Variants in AFF2 observed in about 807,000 individuals in gnomAD.
AFF2 encodes ALF transcription elongation factor 2, also known as AF4/FMR2 family member 2.
AFF2 carries 14 observed loss-of-function variants against 76.9 expected under a neutral mutation model. The observed-to-expected ratio is 0.18, with a 90% CI of 0.12 to 0.28. AFF2 has a LOEUF of 0.28. AFF2 is among the 10% of genes least tolerant of loss of function. The pLI is 1.00. For missense variants in AFF2, 868 were observed against 1,001.1 expected (o/e 0.87, Z 1.79); for synonymous variants, 398 against 366.7 (o/e 1.09, Z -0.98).
At chrX:148,688,389 C>T (rs1557260503) in intron 3 of AFF2, among the ~76,000 whole-genome samples, 1 of 110,114 alleles carries the variant, frequency 9.1e-6, no homozygotes, top group Non-Finnish European at 1.9e-5. Context: ...TCTCAGTTTA[C>T]TCTTGATATC....
intron 9 of AFF2, among the ~76,000 whole-genome samples, chrX:148,943,865 A>G (rs781967247): frequency 7.6e-4 from 85 of 112,093 alleles, no homozygotes; most frequent in Middle Eastern, 9.2e-3. Flanking sequence ...TTAGAAGCTT[A>G]CCTTCTAAAT....
intron 1 of AFF2, among the ~76,000 whole-genome samples, chrX:148,520,540 T>C (rs782457499): frequency 8.9e-6 from 1 of 111,913 alleles, no homozygotes; most frequent in African/African-American, 3.3e-5. Context: ...TGGTTCTTCT[T>C]AACACTGGCC....
At chrX:148,689,830 G>A (rs2054633201) in intron 3 of AFF2, among the ~76,000 whole-genome samples, 1 of 112,037 alleles carries the variant, frequency 8.9e-6, no homozygotes, top group South Asian at 3.7e-4. Context: ...TACTCAGAAA[G>A]TATTTGGCTG....
At chrX:148,588,697 T>C (rs2053493417) in intron 1 of AFF2, among the ~76,000 whole-genome samples, 1 of 112,070 alleles carries the variant, frequency 8.9e-6, no homozygotes, top group Non-Finnish European at 1.9e-5. Context: ...AGCTTACCAG[T>C]GTAGTCATGT....
At chrX:148,932,524 C>A (rs782529789) in intron 9 of AFF2, among the ~76,000 whole-genome samples, 1 of 111,799 alleles carries the variant, frequency 8.9e-6, no homozygotes, top group Non-Finnish European at 1.9e-5. Context: ...GTCTGGGAAC[C>A]AGCTACACAT....
chrX:148,560,090 C>G (rs1191970762), intron 1 of AFF2, among the ~76,000 whole-genome samples: 3 of 111,345 alleles, frequency 2.7e-5, no homozygotes, highest in Non-Finnish European at 5.7e-5. Context: ...TGAGAAGTGT[C>G]TGTTCATATC....
At chrX:148,834,579 A>T (rs913647387) in intron 4 of AFF2, among the ~76,000 whole-genome samples, 12 of 107,951 alleles carry the variant, frequency 1.1e-4, no homozygotes, top group Non-Finnish European at 2.3e-4. Context: ...AAGAGAAGTG[A>T]TTCTTGGTGT....
intron 5 of AFF2, 151 bp downstream of exon 5, chrX:148,837,884 T>G (rs1175295157): frequency 2.4e-5 from 10 of 423,174 alleles, no homozygotes; most frequent in African/African-American, 5.0e-5. Flanking sequence ...TAAAAATAAT[T>G]TTTATTGAAA....
At chrX:148,828,786 C>T (rs1170180585) in intron 4 of AFF2, among the ~76,000 whole-genome samples, 2 of 112,100 alleles carry the variant, frequency 1.8e-5, no homozygotes, top group Admixed American at 1.9e-4. Flanking sequence ...AGGCCCTGCA[C>T]ATGGTCATAT....
chrX:148,596,853 A>G (rs2053577463), intron 1 of AFF2, among the ~76,000 whole-genome samples: 1 of 112,372 alleles, frequency 8.9e-6, no homozygotes, highest in Non-Finnish European at 1.9e-5. Flanking sequence ...GAGATAACTG[A>G]AAGTATTGAC....
At chrX:148,709,280 A>T (rs1339851691) in intron 3 of AFF2, among the ~76,000 whole-genome samples, 1 of 111,846 alleles carries the variant, frequency 8.9e-6, no homozygotes, top group African/African-American at 3.2e-5. Context: ...GCCATTAATT[A>T]AATGCCTCCC....
At chrX:148,924,010 C>T (rs1168603306) in intron 9 of AFF2, among the ~76,000 whole-genome samples, 2 of 111,800 alleles carry the variant, frequency 1.8e-5, no homozygotes, top group East Asian at 2.8e-4. Context: ...TAAACTCTGG[C>T]AGTTCCCAGC....
rs1271255128 is a variant in AFF2, at chrX:148,735,719, C to T, written c.1041+72951C>T. On this transcript the variant is annotated intron_variant, in intron 3 of 20. Coordinates refer to ENST00000370460, the MANE Select transcript of AFF2 (RefSeq NM_002025.4). The stretch of plus-strand genomic sequence containing the variant: ...GTGAGATTTTGGTGCACCCATTACC[C>T]GAGCAGCATACACTGCACCCTATTT... Among the ~76,000 whole-genome samples, 3 of 110,527 alleles carry T rather than the reference C, an allele frequency of 2.7e-5. No individual in the cohort carries two copies. In the Admixed American group the frequency reaches 2.9e-4, roughly 11 times the overall value.
At chrX:148,923,202 C>T (rs782671701) in intron 9 of AFF2, among the ~76,000 whole-genome samples, 15 of 111,437 alleles carry the variant, frequency 1.3e-4, no homozygotes, top group Non-Finnish European at 2.8e-4. Flanking sequence ...CATTCACATA[C>T]CAAAAACTAT....
At chrX:148,666,406 G>A (rs1293904030) in intron 3 of AFF2, among the ~76,000 whole-genome samples, 1 of 110,250 alleles carries the variant, frequency 9.1e-6, no homozygotes, top group Non-Finnish European at 1.9e-5. Context: ...CCAACATGGT[G>A]AAACCCCATC....
intron 3 of AFF2, among the ~76,000 whole-genome samples, chrX:148,700,391 T>G (rs1274161333): frequency 1.9e-5 from 2 of 106,082 alleles, no homozygotes; most frequent in Non-Finnish European, 3.9e-5. Flanking sequence ...GAGCCCCATA[T>G]TGATCCAAAG....
At chrX:148,658,657 C>T (rs1458281417) in intron 2 of AFF2, among the ~76,000 whole-genome samples, 2 of 112,547 alleles carry the variant, frequency 1.8e-5, no homozygotes, top group Non-Finnish European at 3.8e-5. Flanking sequence ...TTCCTTTTCA[C>T]ATTTTATTAT....
intron 1 of AFF2, among the ~76,000 whole-genome samples, chrX:148,642,145 T>C (rs1392998043): frequency 2.7e-5 from 3 of 112,020 alleles, no homozygotes; most frequent in African/African-American, 9.8e-5. Context: ...GCTGCCCTAC[T>C]TTCATACTCA....
chrX:148,788,758 A>G (rs1557269734), intron 3 of AFF2, among the ~76,000 whole-genome samples: 1 of 112,263 alleles, frequency 8.9e-6, no homozygotes, highest in Non-Finnish European at 1.9e-5. Context: ...TCTCTCAGGG[A>G]AAACAGCTTG....
Sources: allele counts gnomAD v4.1 joint callset (sites outside exome capture counted in the v4.1 genomes callset), GRCh38; gene constraint gnomAD v4.1.1; transcripts MANE v1.5; gene names NCBI Gene and HGNC (gene_info 2026-07-23, HGNC 2026-07-21).